Variants in DOCK1 observed in about 807,000 individuals in gnomAD.
The protein encoded by DOCK1 is dedicator of cytokinesis protein 1.
A neutral mutation model predicts 262.7 loss-of-function variants in DOCK1; 138 were observed. The ratio of observed to expected loss-of-function variants is 0.53; its 90% CI spans 0.46 to 0.61. The LOEUF (loss-of-function observed/expected upper bound fraction) is 0.61, where lower values mean the gene tolerates loss of function less well. DOCK1 is among the 20% of genes least tolerant of loss of function. The pLI is 0.00. For missense variants in DOCK1, 1,908 were observed against 2,370.7 expected, an observed-to-expected ratio of 0.80 and a Z score of 4.05; for synonymous variants, 866 against 867.4, an observed-to-expected ratio of 1.00 and a Z score of 0.03.
intron 27 of DOCK1, among the ~76,000 whole-genome samples, chr10:127,216,061 G>A (rs1202233260): frequency 6.6e-6 from 1 of 152,050 alleles, no homozygotes; most frequent in East Asian, 1.9e-4. Flanking sequence ...TCTTAGCTTT[G>A]CCAGGACCGG....
intron 22 of DOCK1, among the ~76,000 whole-genome samples, chr10:127,055,178 C>A (rs1437739418): frequency 1.3e-5 from 2 of 150,644 alleles, no homozygotes; most frequent in African/African-American, 4.9e-5. Flanking sequence ...TTTTTTTAGT[C>A]ACATAATGTG....
intron 25 of DOCK1, among the ~76,000 whole-genome samples, chr10:127,124,563 T>G (rs2255615): frequency 0.82 from 124,707 of 151,900 alleles, 51,889 homozygotes; most frequent in East Asian, 0.94. Context: ...CTTCCTCTGC[T>G]CTTATTGAAA....
intron 27 of DOCK1, among the ~76,000 whole-genome samples, chr10:127,237,733 T>G (rs2059123569): frequency 6.6e-6 from 1 of 152,190 alleles, no homozygotes; most frequent in Admixed American, 6.5e-5. Flanking sequence ...CAGTAATAGT[T>G]CCTTTGATTG....
chr10:126,944,893 C>T (rs1332674147), intron 1 of DOCK1, among the ~76,000 whole-genome samples: 1 of 152,158 alleles, frequency 6.6e-6, no homozygotes, highest in Admixed American at 6.6e-5. Context: ...GGCTGGAGTG[C>T]AGTGGCAGAG....
chr10:127,164,053 G>A (rs1589718649), intron 27 of DOCK1, among the ~76,000 whole-genome samples: 4 of 151,622 alleles, frequency 2.6e-5, no homozygotes, highest in Admixed American at 2.0e-4. Flanking sequence ...ATCACAGTTA[G>A]CAGGGAGATT....
intron 27 of DOCK1, among the ~76,000 whole-genome samples, chr10:127,202,325 A>T (rs2057504661): frequency 6.8e-6 from 1 of 146,410 alleles, no homozygotes; most frequent in Non-Finnish European, 1.5e-5. Flanking sequence ...TCTGTCTCCA[A>T]AAAAAAAAAA....
intron 27 of DOCK1, among the ~76,000 whole-genome samples, chr10:127,239,480 C>T (rs2059187679): frequency 6.6e-6 from 1 of 152,108 alleles, no homozygotes; most frequent in Admixed American, 6.6e-5. Context: ...AATACATCAT[C>T]CAACCAATGT....
intron 27 of DOCK1, among the ~76,000 whole-genome samples, chr10:127,236,034 T>C (rs2134625800): frequency 6.6e-6 from 1 of 152,206 alleles, no homozygotes; most frequent in African/African-American, 2.4e-5. Context: ...CAGATAGGTG[T>C]TTTTAAAAAT....
intron 27 of DOCK1, chr10:127,135,445 T>A (rs1036454082): frequency 7.2e-5 from 11 of 152,690 alleles, no homozygotes; most frequent in African/African-American, 2.7e-4. Context: ...TTGATTTTTT[T>A]ATTTAAAAAT....
intron 27 of DOCK1, among the ~76,000 whole-genome samples, chr10:127,228,339 C>G (rs560591637): frequency 1.3e-5 from 2 of 152,270 alleles, no homozygotes; most frequent in African/African-American, 2.4e-5. Flanking sequence ...GCGTCACCCC[C>G]ACGCTGCCCG....
chr10:127,031,895 T>C, intron 17 of DOCK1, 142 bp downstream of exon 17: 1 of 894,472 alleles, frequency 1.1e-6, no homozygotes, highest in South Asian at 1.7e-5. Context: ...ACATTTCCAA[T>C]GACCAGCCCT....
chr10:127,334,662 T>C (rs2063120054), intron 29 of DOCK1, among the ~76,000 whole-genome samples: 1 of 152,234 alleles, frequency 6.6e-6, no homozygotes, highest in South Asian at 2.1e-4. Flanking sequence ...GATTATTTAT[T>C]TGTATGTTTG....
intron 48 of DOCK1, among the ~76,000 whole-genome samples, chr10:127,434,136 A>G (rs1383024196): frequency 6.7e-6 from 1 of 150,124 alleles, no homozygotes; most frequent in Non-Finnish European, 1.5e-5. Context: ...TTCATGATGG[A>G]TGGCCGGGCC....
intron 49 of DOCK1, among the ~76,000 whole-genome samples, chr10:127,443,312 C>T (rs996545696): frequency 4.5e-5 from 4 of 88,584 alleles, no homozygotes; most frequent in Admixed American, 4.1e-4. Context: ...AGCCAAGAGA[C>T]CAATTAGTAA....
chr10:127,354,238 C>A (rs929976170), intron 31 of DOCK1, among the ~76,000 whole-genome samples: 2 of 152,150 alleles, frequency 1.3e-5, no homozygotes, highest in African/African-American at 4.8e-5. Context: ...AATGCAAGAA[C>A]TTTGGAAGAG....
At chr10:127,213,834 C>T (rs1160537027) in intron 27 of DOCK1, among the ~76,000 whole-genome samples, 2 of 152,162 alleles carry the variant, frequency 1.3e-5, no homozygotes, top group East Asian at 3.9e-4. Context: ...TAATATTCAT[C>T]AGCATCATTT....
chr10:127,392,577 G>A (rs2066546205), intron 38 of DOCK1, among the ~76,000 whole-genome samples: 1 of 152,162 alleles, frequency 6.6e-6, no homozygotes, highest in Non-Finnish European at 1.5e-5. Flanking sequence ...AGTGAGTTGA[G>A]CACATTCTGG....
At chr10:127,193,044 C>T (rs1324257426) in intron 27 of DOCK1, among the ~76,000 whole-genome samples, 1 of 152,156 alleles carries the variant, frequency 6.6e-6, no homozygotes, top group Non-Finnish European at 1.5e-5. Context: ...TAGTATCAAT[C>T]ATATTAAATT....
chr10:127,087,056 G>A (rs968907429), intron 23 of DOCK1, among the ~76,000 whole-genome samples: 1 of 152,152 alleles, frequency 6.6e-6, no homozygotes, highest in African/African-American at 2.4e-5. Flanking sequence ...AGGGGTTCAT[G>A]GACTACATAA....
Sources: gnomAD v4.1 joint callset for allele counts (sites outside exome capture counted in the v4.1 genomes callset) on GRCh38, gnomAD v4.1.1 for gene constraint, MANE v1.5 for transcripts, NCBI Gene and HGNC (gene_info 2026-07-23, HGNC 2026-07-21) for gene names.